DENND1A: variants seen among roughly 807,000 people sequenced by gnomAD.
DENND1A encodes DENN domain containing 1A, also known as DENN domain-containing protein 1A.
In DENND1A, 51 loss-of-function variants were observed where a neutral mutation model predicts 113.7. The ratio of observed to expected loss-of-function variants is 0.45; its 90% CI spans 0.36 to 0.57. The LOEUF is 0.57. Ranked by LOEUF, DENND1A falls within the 20% of genes least tolerant of loss-of-function variation. DENND1A has a pLI of 0.00. For missense variants in DENND1A, 1,258 were observed against 1,395.9 expected, an observed-to-expected ratio of 0.90 and a Z score of 1.57; for synonymous variants, 565 against 570.8, an observed-to-expected ratio of 0.99 and a Z score of 0.14.
intron 13 of DENND1A, among the ~76,000 whole-genome samples, chr9:123,546,181 C>T (rs779605845): frequency 1.3e-5 from 2 of 152,118 alleles, no homozygotes; most frequent in Non-Finnish European, 2.9e-5. Flanking sequence ...TTTACATTTA[C>T]ACATTCGTGA....
chr9:123,466,309 AT>A (rs199500536), intron 13 of DENND1A, among the ~76,000 whole-genome samples: 2 of 150,530 alleles, frequency 1.3e-5, no homozygotes, highest in Non-Finnish European at 3.0e-5. Flanking sequence ...TTATTTATTT[AT>A]TTTTTTTGAG....
At chr9:123,539,124 T>C (rs1272889227) in intron 13 of DENND1A, among the ~76,000 whole-genome samples, 1 of 152,020 alleles carries the variant, frequency 6.6e-6, no homozygotes, top group African/African-American at 2.4e-5. Context: ...CAGATATAGA[T>C]ATTAAACACA....
At chr9:123,692,931 G>A (rs983149767) in intron 5 of DENND1A, among the ~76,000 whole-genome samples, 1 of 152,156 alleles carries the variant, frequency 6.6e-6, no homozygotes, top group African/African-American at 2.4e-5. Context: ...ATAATGTAGA[G>A]ATGAAGAAAC....
chr9:123,433,366 TG>T (rs1430244399), intron 19 of DENND1A, among the ~76,000 whole-genome samples: 1 of 152,234 alleles, frequency 6.6e-6, no homozygotes, highest in East Asian at 1.9e-4. Flanking sequence ...AGGTACATCT[TG>T]GGGAAACAGG....
At chr9:123,668,899 C>T (rs559806822) in intron 7 of DENND1A, among the ~76,000 whole-genome samples, 18 of 152,284 alleles carry the variant, frequency 1.2e-4, no homozygotes, top group African/African-American at 3.9e-4. Context: ...GAGATACCAA[C>T]TTCTATACCA....
At chr9:123,659,342 A>C (rs996044799) in intron 8 of DENND1A, among the ~76,000 whole-genome samples, 3 of 152,224 alleles carry the variant, frequency 2.0e-5, no homozygotes, top group African/African-American at 7.2e-5. Flanking sequence ...ACCAGTTCCA[A>C]GCTTCAGACA....
intron 8 of DENND1A, among the ~76,000 whole-genome samples, chr9:123,660,166 T>C (rs1218964101): frequency 2.0e-5 from 3 of 152,218 alleles, no homozygotes; most frequent in African/African-American, 7.2e-5. Flanking sequence ...CTGGGCTCCC[T>C]GTCTAAAACG....
intron 13 of DENND1A, among the ~76,000 whole-genome samples, chr9:123,548,525 A>T (rs962952602): frequency 1.3e-5 from 2 of 152,244 alleles, no homozygotes; most frequent in Non-Finnish European, 2.9e-5. Context: ...AAAAAGTTAA[A>T]CGTAGAATTA....
chr9:123,527,947 T>C (rs1485764848), intron 13 of DENND1A, among the ~76,000 whole-genome samples: 1 of 152,228 alleles, frequency 6.6e-6, no homozygotes, highest in Non-Finnish European at 1.5e-5. Context: ...GATGTTGCTA[T>C]CTATCTCTCA....
chr9:123,779,644 C>T (rs1347698012), intron 3 of DENND1A, among the ~76,000 whole-genome samples: 10 of 152,112 alleles, frequency 6.6e-5, no homozygotes, highest in African/African-American at 1.9e-4. Context: ...AGACCATAGG[C>T]GCGGACTACC....
In DENND1A at chr9:123,381,592, C is replaced by A. The variant is rs1353101399; in HGVS notation, c.3053G>T (p.Gly1018Val). Residue 1018 changes from glycine to valine, a missense_variant, in exon 24 of 24, where the codon GGC becomes GTC. Gly to Val is a moderately radical substitution (Grantham distance 109). Transcript: ENST00000394215. The surrounding 1 kb of genome is among the most constrained non-coding windows in gnomAD (Gnocchi z 4.7). ...PPLLPPRPPQ[G>V]LEPTLQPSAP... ...AGAGGGCTGCAGTGTTGGCTCCAGG[C>A]CTTGAGGGGGCCTGGGAGGCAGAAG... is the stretch of plus-strand genomic sequence containing the variant. The A allele has an allele frequency of 1.9e-6, 3 of 1,613,374 alleles. No homozygotes were observed. Among genetic ancestry groups the A allele is most frequent in the Non-Finnish European group, 2.5e-6 (3 of 1,179,896 alleles).
chr9:123,796,220 C>T (rs1833738965), intron 2 of DENND1A, among the ~76,000 whole-genome samples: 2 of 152,118 alleles, frequency 1.3e-5, no homozygotes, highest in Admixed American at 6.6e-5. Flanking sequence ...GTCACAGCAC[C>T]ATGGCCATCA....
chr9:123,740,556 G>A (rs2068923668), intron 5 of DENND1A, among the ~76,000 whole-genome samples: 1 of 151,928 alleles, frequency 6.6e-6, no homozygotes, highest in Admixed American at 6.6e-5. Flanking sequence ...TAGAGAGCAG[G>A]AGAAAAAGCA....
chr9:123,512,695 A>G (rs915362143), intron 13 of DENND1A, among the ~76,000 whole-genome samples: 1 of 152,202 alleles, frequency 6.6e-6, no homozygotes, highest in African/African-American at 2.4e-5. Context: ...GGGCATGTGC[A>G]TAAGTTTGGC....
chr9:123,627,480 G>A (rs1363728295), intron 10 of DENND1A, among the ~76,000 whole-genome samples: 2 of 152,222 alleles, frequency 1.3e-5, no homozygotes, highest in African/African-American at 4.8e-5. Flanking sequence ...GGTGGCTCAC[G>A]TCTGTAATCG....
At chr9:123,820,308 G>A (rs1300598260) in intron 2 of DENND1A, among the ~76,000 whole-genome samples, 1 of 152,188 alleles carries the variant, frequency 6.6e-6, no homozygotes, top group Non-Finnish European at 1.5e-5. Context: ...ATGGAATACA[G>A]CAGGAATTAT....
chr9:123,489,899 T>G (rs2051221804), intron 13 of DENND1A, among the ~76,000 whole-genome samples: 1 of 152,226 alleles, frequency 6.6e-6, no homozygotes, highest in African/African-American at 2.4e-5. Flanking sequence ...CTGCATGTTC[T>G]GATCCCAACC....
At chr9:123,572,015 T>C (rs1376793788) in intron 12 of DENND1A, among the ~76,000 whole-genome samples, 1 of 152,208 alleles carries the variant, frequency 6.6e-6, no homozygotes, top group Non-Finnish European at 1.5e-5. Flanking sequence ...TGAGGTATGA[T>C]TTACATACCT....
chr9:123,556,766 C>T (rs538983128), intron 13 of DENND1A, among the ~76,000 whole-genome samples: 1 of 152,336 alleles, frequency 6.6e-6, no homozygotes, highest in East Asian at 1.9e-4. Context: ...CAGGGTGACC[C>T]AGGTCCCTAG....
Sources: gnomAD v4.1 joint callset for allele counts (sites outside exome capture counted in the v4.1 genomes callset) on GRCh38, gnomAD v4.1.1 for gene constraint, Gnocchi (gnomAD v3.1) non-coding constraint, MANE v1.5 for transcripts, NCBI Gene and HGNC (gene_info 2026-07-23, HGNC 2026-07-21) for gene names.